The following DEPDC5 variants were observed in gnomAD, a reference collection of about 807,000 sequenced individuals.
DEPDC5 encodes DEP domain containing 5, GATOR1 subcomplex subunit.
Under a neutral mutation model 217.3 loss-of-function variants are expected in DEPDC5, and 73 were observed. The observed-to-expected ratio is 0.34, with a 90% CI of 0.28 to 0.41. The LOEUF is 0.41. Among genes scored for constraint, DEPDC5 ranks in the 10% least tolerant of loss-of-function variants. The probability of loss-of-function intolerance (pLI) is 1.00; values close to 1 mark genes in which losing one functional copy is unlikely to be tolerated. For missense variants in DEPDC5, 1,675 were observed against 2,070.1 expected (o/e 0.81, Z 3.70); for synonymous variants, 733 against 756.7 (o/e 0.97, Z 0.51).
chr22:31,902,527 C>T (rs1420086660), intron 41 of DEPDC5, among the ~76,000 whole-genome samples: 1 of 151,472 alleles, frequency 6.6e-6, no homozygotes, highest in African/African-American at 2.4e-5. Flanking sequence ...AAGGTCTACC[C>T]CTTCACAGAC....
chr22:31,864,272 C>A (rs2092611370), intron 33 of DEPDC5, among the ~76,000 whole-genome samples: 1 of 151,154 alleles, frequency 6.6e-6, no homozygotes, highest in Non-Finnish European at 1.5e-5. Context: ...CCATGCCCGG[C>A]TAATTTTTTG....
chr22:31,848,270 G>A (rs1196225877), intron 31 of DEPDC5, among the ~76,000 whole-genome samples: 1 of 152,198 alleles, frequency 6.6e-6, no homozygotes, highest in Non-Finnish European at 1.5e-5. Flanking sequence ...CTGGGGTCTG[G>A]TGGATGGTGG....
At chr22:31,759,608 G>GT (rs1327634153) in intron 3 of DEPDC5, among the ~76,000 whole-genome samples, 2 of 148,386 alleles carry the variant, frequency 1.3e-5, no homozygotes, top group Non-Finnish European at 3.0e-5. Flanking sequence ...TCCTGACCTC[G>GT]TGATCCGCCT....
intron 20 of DEPDC5, chr22:31,814,272 G>A (rs2088809774): frequency 6.6e-6 from 1 of 152,132 alleles, no homozygotes; most frequent in African/African-American, 2.4e-5. Context: ...AAGCTGATTA[G>A]TATATGTTTC....
chr22:31,884,709 T>C (rs540673558), intron 38 of DEPDC5, among the ~76,000 whole-genome samples: 1 of 152,290 alleles, frequency 6.6e-6, no homozygotes, highest in South Asian at 2.1e-4. Context: ...GCCAAATTTC[T>C]ATCTCCATCC....
intron 41 of DEPDC5, among the ~76,000 whole-genome samples, chr22:31,902,512 C>T (rs529399228): frequency 1.1e-3 from 166 of 150,760 alleles, no homozygotes; most frequent in Middle Eastern, 3.4e-3. Context: ...CTTAGACCTT[C>T]GTCTAAGGTC....
chr22:31,814,905 G>A, intron 20 of DEPDC5, 87 bp from the exon 21 acceptor site: 1 of 1,462,912 alleles, frequency 6.8e-7, no homozygotes. Flanking sequence ...GTTCCATGTG[G>A]CTTGGGCTGG....
chr22:31,781,208 C>T (rs2084394699), intron 8 of DEPDC5, among the ~76,000 whole-genome samples: 1 of 142,232 alleles, frequency 7.0e-6, no homozygotes, highest in Non-Finnish European at 1.5e-5. Flanking sequence ...AAGAGCGAAA[C>T]TCGGTCTCAA....
intron 41 of DEPDC5, among the ~76,000 whole-genome samples, chr22:31,905,608 C>A (rs1174637473): frequency 2.0e-5 from 3 of 151,778 alleles, no homozygotes; most frequent in Non-Finnish European, 4.4e-5. Flanking sequence ...GGAGAACGCT[C>A]AGTGGGAAGG....
intron 24 of DEPDC5, among the ~76,000 whole-genome samples, chr22:31,826,177 T>G (rs559411327): frequency 6.6e-6 from 1 of 152,172 alleles, no homozygotes; most frequent in South Asian, 2.1e-4. Flanking sequence ...CAGCTAATTT[T>G]TGTATTTTTA....
At chr22:31,898,542 G>A (rs149786848) in intron 40 of DEPDC5, among the ~76,000 whole-genome samples, 2 of 152,182 alleles carry the variant, frequency 1.3e-5, no homozygotes, top group Non-Finnish European at 2.9e-5. Context: ...AACATTTGAC[G>A]TAAGAGAGAT....
At chr22:31,803,558 C>T (rs1353013617) in intron 15 of DEPDC5, among the ~76,000 whole-genome samples, 1 of 152,054 alleles carries the variant, frequency 6.6e-6, no homozygotes, top group African/African-American at 2.4e-5. Context: ...CTAGTCCAGT[C>T]CTTCCTCCAT....
At chr22:31,889,073 A>G (rs2093380334) in intron 38 of DEPDC5, among the ~76,000 whole-genome samples, 1 of 152,036 alleles carries the variant, frequency 6.6e-6, no homozygotes, top group South Asian at 2.1e-4. Context: ...CTGGGGTTGC[A>G]TTTTTCTCCT....
chr22:31,818,513 A>G (rs1304576149), intron 21 of DEPDC5, among the ~76,000 whole-genome samples: 1 of 152,178 alleles, frequency 6.6e-6, no homozygotes, highest in Non-Finnish European at 1.5e-5. Context: ...ACCTGGCCAG[A>G]ACTAAGTCAT....
intron 35 of DEPDC5, 176 bp from the exon 36 acceptor site, chr22:31,874,097 G>A: frequency 9.6e-7 from 1 of 1,042,322 alleles, no homozygotes; most frequent in East Asian, 2.8e-5. Flanking sequence ...TGGGCCCCCG[G>A]TAACAGTTTC....
chr22:31,761,682 A>G (rs1258417983), intron 4 of DEPDC5, among the ~76,000 whole-genome samples: 9 of 151,160 alleles, frequency 6.0e-5, no homozygotes, highest in Non-Finnish European at 1.0e-4. Context: ...AAAAAAAAAA[A>G]ATAGGCCAGG....
chr22:31,814,840 A>G (rs561820332), intron 20 of DEPDC5, 152 bp from the exon 21 acceptor site: 1 of 690,286 alleles, frequency 1.4e-6, no homozygotes, highest in African/African-American at 1.8e-5. Flanking sequence ...TTAAGGGTGA[A>G]GTACCGCATA....
chr22:31,887,565 G>T (rs1490188292), intron 38 of DEPDC5, among the ~76,000 whole-genome samples: 2 of 152,110 alleles, frequency 1.3e-5, no homozygotes, highest in Non-Finnish European at 1.5e-5. Context: ...GGGTCAGTGA[G>T]TCTGAAACTA....
At chr22:31,905,862 G>A in intron 41 of DEPDC5, 122 bp from the exon 42 acceptor site, 1 of 867,254 alleles carries the variant, frequency 1.2e-6, no homozygotes. Flanking sequence ...GTGCAATCTG[G>A]AAAGAGATCT....
Sources: allele counts gnomAD v4.1 joint callset (sites outside exome capture counted in the v4.1 genomes callset), GRCh38; gene constraint gnomAD v4.1.1; transcripts MANE v1.5; gene names NCBI Gene and HGNC (gene_info 2026-07-23, HGNC 2026-07-21).